CLASP2: variants seen among roughly 807,000 people sequenced by gnomAD.
The protein encoded by CLASP2 is cytoplasmic linker associated protein 2, also known as CLIP-associating protein 2.
Under a neutral mutation model 194.4 loss-of-function variants are expected in CLASP2, and 47 were observed. The observed-to-expected ratio is 0.24, with a 90% confidence interval of 0.19 to 0.31. The LOEUF (loss-of-function observed/expected upper bound fraction) is 0.31. Among genes scored for constraint, CLASP2 ranks in the 10% least tolerant of loss-of-function variants. The probability of loss-of-function intolerance (pLI) is 1.00; values close to 1 mark genes in which losing one functional copy is unlikely to be tolerated. For missense variants in CLASP2, 1,445 were observed against 1,823.6 expected (o/e 0.79, Z 3.78); for synonymous variants, 619 against 633.5 (o/e 0.98, Z 0.34).
intron 6 of CLASP2, among the ~76,000 whole-genome samples, chr3:33,668,714 G>C (rs1024541512): frequency 2.0e-5 from 3 of 152,136 alleles, no homozygotes; most frequent in Non-Finnish European, 4.4e-5. Context: ...CAAAGCTCAC[G>C]TACCCAGAGT....
intron 1 of CLASP2, among the ~76,000 whole-genome samples, chr3:33,717,269 T>C (rs1356629987): frequency 6.6e-6 from 1 of 152,090 alleles, no homozygotes; most frequent in Non-Finnish European, 1.5e-5. Flanking sequence ...GTGATCAACA[T>C]TGTGTCCTAG....
intron 30 of CLASP2, among the ~76,000 whole-genome samples, chr3:33,545,360 A>T (rs956630064): frequency 1.5e-4 from 23 of 152,228 alleles, no homozygotes; most frequent in African/African-American, 5.1e-4. Flanking sequence ...TTGAAATTCA[A>T]ATTATATAGA....
At chr3:33,707,944 T>C (rs1199363701) in intron 1 of CLASP2, among the ~76,000 whole-genome samples, 4 of 152,162 alleles carry the variant, frequency 2.6e-5, no homozygotes. Flanking sequence ...CCAGAACCTC[T>C]GAATATGGTA....
At chr3:33,693,369 A>C (rs2091549576) in intron 2 of CLASP2, among the ~76,000 whole-genome samples, 1 of 152,172 alleles carries the variant, frequency 6.6e-6, no homozygotes, top group African/African-American at 2.4e-5. Flanking sequence ...CTCTCAAATC[A>C]AGTTATATAT....
At chr3:33,647,076 G>A (rs1035806752) in intron 7 of CLASP2, among the ~76,000 whole-genome samples, 3 of 152,020 alleles carry the variant, frequency 2.0e-5, no homozygotes, top group African/African-American at 4.8e-5. Flanking sequence ...TTCTACTACC[G>A]ACAAGACATG....
In CLASP2 at chr3:33,496,507, T is replaced by C. The variant is rs189825663; in HGVS notation, c.*2124A>G. ...TAAAATTGTAAACACAATTTTTCCA[T>C]GTTTACATCTACTAGCTTTCATTTG... On this transcript the variant is annotated 3_prime_UTR_variant, in exon 39 of 39. Transcript: ENST00000682230. 1 of 152,232 alleles carries C rather than the reference T, an allele frequency of 6.6e-6. No individual in the cohort carries two copies. 9.4% of individuals were successfully genotyped at this position (152,232 alleles called of 1,614,324 possible).
intron 38 of CLASP2, among the ~76,000 whole-genome samples, chr3:33,499,130 G>C (rs959986826): frequency 2.0e-5 from 3 of 152,106 alleles, no homozygotes; most frequent in Non-Finnish European, 4.4e-5. Context: ...CCCCTGTGCT[G>C]CTCTAGTGAT....
intron 6 of CLASP2, among the ~76,000 whole-genome samples, chr3:33,680,956 C>A (rs942893443): frequency 6.6e-6 from 1 of 151,828 alleles, no homozygotes; most frequent in Non-Finnish European, 1.5e-5. Flanking sequence ...GAAACCCCGT[C>A]TCTACTAAGA....
At chr3:33,655,395 A>C (rs1214937603) in intron 7 of CLASP2, among the ~76,000 whole-genome samples, 1 of 152,136 alleles carries the variant, frequency 6.6e-6, no homozygotes, top group Non-Finnish European at 1.5e-5. Flanking sequence ...TGGTTGTACA[A>C]CACCTTCAAT....
intron 2 of CLASP2, among the ~76,000 whole-genome samples, chr3:33,694,964 G>T (rs2091717762): frequency 6.7e-6 from 1 of 149,748 alleles, no homozygotes; most frequent in Admixed American, 6.7e-5. Flanking sequence ...ACAAAGGAAG[G>T]AAAGAAAATA....
chr3:33,688,578 C>T (rs2090983774), intron 3 of CLASP2, among the ~76,000 whole-genome samples: 1 of 152,144 alleles, frequency 6.6e-6, no homozygotes, highest in Non-Finnish European at 1.5e-5. Context: ...CATTTTAGTA[C>T]TTATATATAT....
chr3:33,535,545 G>A, intron 33 of CLASP2, 84 bp from the exon 34 acceptor site: 2 of 1,049,164 alleles, frequency 1.9e-6, no homozygotes, highest in East Asian at 2.5e-5. Flanking sequence ...TTTCTCTACT[G>A]CTTAAAAGAC....
chr3:33,597,424 G>A (rs945814157), intron 18 of CLASP2, among the ~76,000 whole-genome samples: 1 of 152,182 alleles, frequency 6.6e-6, no homozygotes, highest in Non-Finnish European at 1.5e-5. Flanking sequence ...CTGGCCTCTG[G>A]TAATCGTTTT....
intron 34 of CLASP2, among the ~76,000 whole-genome samples, chr3:33,530,277 C>T (rs1269600227): frequency 6.6e-6 from 1 of 151,984 alleles, no homozygotes; most frequent in African/African-American, 2.4e-5. Context: ...GAGTTTTAGA[C>T]TAGCCTGGAC....
chr3:33,619,416 G>A (rs2076755696), intron 12 of CLASP2, among the ~76,000 whole-genome samples, 187 bp downstream of exon 12: 1 of 151,534 alleles, frequency 6.6e-6, no homozygotes, highest in Non-Finnish European at 1.5e-5. Flanking sequence ...GTTCTATAAT[G>A]ACCATCTGTG....
chr3:33,639,391 C>T (rs2080866713), intron 8 of CLASP2, among the ~76,000 whole-genome samples: 1 of 152,164 alleles, frequency 6.6e-6, no homozygotes, highest in South Asian at 2.1e-4. Flanking sequence ...TGGAGCCTTG[C>T]ACATAGTAAG....
intron 8 of CLASP2, among the ~76,000 whole-genome samples, chr3:33,639,266 C>A (rs2080829201): frequency 6.6e-6 from 1 of 152,122 alleles, no homozygotes; most frequent in Non-Finnish European, 1.5e-5. Flanking sequence ...CCATGGTGCA[C>A]AGGCTGGTTT....
intron 7 of CLASP2, among the ~76,000 whole-genome samples, chr3:33,656,762 T>C (rs536961845): frequency 6.6e-6 from 1 of 152,210 alleles, no homozygotes; most frequent in South Asian, 2.1e-4. Context: ...GATATGTCCA[T>C]ATTATAGAAT....
chr3:33,706,529 A>G (rs1423111019), intron 1 of CLASP2, among the ~76,000 whole-genome samples: 2 of 152,238 alleles, frequency 1.3e-5, no homozygotes, highest in Non-Finnish European at 2.9e-5. Context: ...ACTCTGAAAA[A>G]TACAGTTAAC....
Sources: gnomAD v4.1 joint callset for allele counts (sites outside exome capture counted in the v4.1 genomes callset) on GRCh38, gnomAD v4.1.1 for gene constraint, MANE v1.5 for transcripts, NCBI Gene and HGNC (gene_info 2026-07-23, HGNC 2026-07-21) for gene names.